The following PLD5 variants were observed in gnomAD, a reference collection of about 807,000 sequenced individuals.
The protein encoded by PLD5 is phospholipase D family member 5.
Under a neutral mutation model 61.1 loss-of-function variants are expected in PLD5, and 36 were observed. The ratio of observed to expected loss-of-function variants is 0.59; its 90% confidence interval spans 0.45 to 0.78. The LOEUF (loss-of-function observed/expected upper bound fraction) is 0.78, where lower values mean the gene tolerates loss of function less well. Among genes scored for constraint, PLD5 ranks in the 30% least tolerant of loss-of-function variants. The pLI is 0.00. For missense variants in PLD5, 515 were observed against 644.4 expected, an observed-to-expected ratio of 0.80 and a Z score of 2.17; for synonymous variants, 243 against 242.8, an observed-to-expected ratio of 1.00 and a Z score of -0.01.
At chr1:242,313,301 G>A (rs1348898870) in intron 2 of PLD5, among the ~76,000 whole-genome samples, 2 of 152,148 alleles carry the variant, frequency 1.3e-5, no homozygotes, top group Non-Finnish European at 2.9e-5. Flanking sequence ...TCTATGCTAT[G>A]CCCATCTTCC....
intron 3 of PLD5, among the ~76,000 whole-genome samples, chr1:242,272,807 T>C (rs927273739): frequency 3.3e-5 from 5 of 152,180 alleles, no homozygotes; most frequent in African/African-American, 1.2e-4. Flanking sequence ...TACTATAAAA[T>C]CATATTCATC....
intron 5 of PLD5, among the ~76,000 whole-genome samples, chr1:242,193,408 A>G (rs983817312): frequency 6.6e-5 from 10 of 152,126 alleles, no homozygotes; most frequent in African/African-American, 2.4e-4. Context: ...AAAGGTGAAG[A>G]TTTAGGGTGG....
intron 1 of PLD5, among the ~76,000 whole-genome samples, chr1:242,359,405 C>T (rs1456001258): frequency 1.3e-5 from 2 of 152,154 alleles, no homozygotes; most frequent in Non-Finnish European, 2.9e-5. Context: ...TTTCTTTCAG[C>T]TTTCAATGGG....
intron 9 of PLD5, 25 bp from the exon 10 acceptor site, chr1:242,090,135 T>C: frequency 6.2e-7 from 1 of 1,612,708 alleles, no homozygotes; most frequent in Non-Finnish European, 8.5e-7. Flanking sequence ...AGAAATAATG[T>C]TGAGGAGTTA....
chr1:242,370,832 G>C (rs977163178), intron 1 of PLD5, among the ~76,000 whole-genome samples: 1 of 152,138 alleles, frequency 6.6e-6, no homozygotes, highest in Non-Finnish European at 1.5e-5. Context: ...TTGATAAGGT[G>C]AGGGCTATTT....
chr1:242,352,671 T>C (rs1030016738), intron 1 of PLD5, among the ~76,000 whole-genome samples: 5 of 152,200 alleles, frequency 3.3e-5, no homozygotes, highest in African/African-American at 1.2e-4. Flanking sequence ...CTTCCAACAG[T>C]GCATAAGTTC....
intron 5 of PLD5, among the ~76,000 whole-genome samples, chr1:242,149,263 T>G (rs1366160849): frequency 6.6e-6 from 1 of 151,904 alleles, no homozygotes; most frequent in African/African-American, 2.4e-5. Context: ...ATTTTACGGG[T>G]TTGCTTCTTT....
chr1:242,394,285 T>C lies in PLD5; in HGVS notation c.190-46043A>G, dbSNP rs1663224523. ...GAGTATGAGTATATATATGTGTATATATATGAGTATATATATGAGTATATA... is the reference window on the plus strand; with the variant it reads ...GAGTATGAGTATATATATGTGTATACATATGAGTATATATATGAGTATATA... On this transcript the variant is annotated intron_variant, in intron 1 of 9. Coordinates refer to ENST00000536534, the MANE Select transcript of PLD5 (RefSeq NM_001372062.1). Among the ~76,000 whole-genome samples the C allele has an allele frequency of 2.1e-5, 2 of 96,772 alleles. 1 individual carries two copies. Among genetic ancestry groups the C allele is most frequent in the Non-Finnish European group, 4.0e-5 (2 of 50,548 alleles). The allele number at this position is 96,772 out of a possible 152,430, so 63.5% of individuals were successfully genotyped here. A position where few individuals can be genotyped will look rare whatever the true frequency, so the allele number is the denominator to read the frequency against.
At chr1:242,136,044 A>G (rs939762454) in intron 5 of PLD5, among the ~76,000 whole-genome samples, 3 of 152,118 alleles carry the variant, frequency 2.0e-5, no homozygotes, top group Non-Finnish European at 4.4e-5. Flanking sequence ...CTGGTCTTTG[A>G]CTGTTTTGTC....
chr1:242,317,225 G>C (rs1246511704), intron 2 of PLD5, among the ~76,000 whole-genome samples: 1 of 152,028 alleles, frequency 6.6e-6, no homozygotes, highest in Non-Finnish European at 1.5e-5. Context: ...ATGTTGTCTA[G>C]ACTGGTCTCG....
chr1:242,456,445 A>C (rs185251916), intron 1 of PLD5, among the ~76,000 whole-genome samples: 186 of 152,350 alleles, frequency 1.2e-3, no homozygotes, highest in Non-Finnish European at 8.2e-4. Flanking sequence ...TCATTGCAGA[A>C]CTTTCTACTG....
intron 1 of PLD5, among the ~76,000 whole-genome samples, chr1:242,469,981 C>CA (rs1667390899): frequency 6.6e-6 from 1 of 152,276 alleles, no homozygotes; most frequent in South Asian, 2.1e-4. Flanking sequence ...CATTTCCCTT[C>CA]ATGATAAATA....
At chr1:242,174,047 T>C (rs921171080) in intron 5 of PLD5, among the ~76,000 whole-genome samples, 1 of 152,082 alleles carries the variant, frequency 6.6e-6, no homozygotes, top group East Asian at 1.9e-4. Flanking sequence ...AATGGACAAA[T>C]GGGATCTAAT....
chr1:242,503,060 A>T (rs1668608019), intron 1 of PLD5, among the ~76,000 whole-genome samples: 1 of 151,008 alleles, frequency 6.6e-6, no homozygotes, highest in Non-Finnish European at 1.5e-5. Context: ...ACTCCGTCTC[A>T]AAAACAAAAA....
At chr1:242,162,400 A>G (rs1665910858) in intron 5 of PLD5, among the ~76,000 whole-genome samples, 1 of 152,184 alleles carries the variant, frequency 6.6e-6, no homozygotes, top group African/African-American at 2.4e-5. Context: ...CCACTAGGCA[A>G]TGACTACAAC....
chr1:242,469,982 A>G (rs1667390825), intron 1 of PLD5, among the ~76,000 whole-genome samples: 1 of 152,144 alleles, frequency 6.6e-6, no homozygotes, highest in African/African-American at 2.4e-5. Context: ...ATTTCCCTTC[A>G]TGATAAATAC....
At chr1:242,455,874 C>G (rs903159724) in intron 1 of PLD5, among the ~76,000 whole-genome samples, 1 of 152,214 alleles carries the variant, frequency 6.6e-6, no homozygotes, top group African/African-American at 2.4e-5. Flanking sequence ...CCACTCTGTC[C>G]AGGCAGGTGT....
chr1:242,465,843 T>C (rs1437439737), intron 1 of PLD5, among the ~76,000 whole-genome samples: 1 of 152,172 alleles, frequency 6.6e-6, no homozygotes, highest in Non-Finnish European at 1.5e-5. Context: ...GGCAGAGAAT[T>C]GCTTGAACCT....
At chr1:242,326,949 T>G (rs1397152682) in intron 2 of PLD5, among the ~76,000 whole-genome samples, 5 of 151,774 alleles carry the variant, frequency 3.3e-5, no homozygotes, top group Admixed American at 3.3e-4. Flanking sequence ...CACTGCAACC[T>G]CCGCCTCCCA....
Sources: gnomAD v4.1 joint callset for allele counts (sites outside exome capture counted in the v4.1 genomes callset) on GRCh38, gnomAD v4.1.1 for gene constraint, MANE v1.5 for transcripts, NCBI Gene and HGNC (gene_info 2026-07-23, HGNC 2026-07-21) for gene names.